Variants in GPR149 observed in about 807,000 individuals in gnomAD.
The protein encoded by GPR149 is G protein-coupled receptor 149, also known as probable G protein-coupled receptor 149.
In GPR149, 50 loss-of-function variants were observed where a neutral mutation model predicts 50.2. The ratio of observed to expected loss-of-function variants is 1.00; its 90% CI spans 0.79 to 1.26. The LOEUF (loss-of-function observed/expected upper bound fraction) is 1.26, where lower values mean the gene tolerates loss of function less well. GPR149 is among the 50% of genes most tolerant of loss of function. The pLI is 0.00. For missense variants in GPR149, 983 were observed against 895.4 expected, an observed-to-expected ratio of 1.10 and a Z score of -1.25; for synonymous variants, 405 against 358.2, an observed-to-expected ratio of 1.13 and a Z score of -1.48.
intron 3 of GPR149, among the ~76,000 whole-genome samples, chr3:154,357,266 G>T: frequency 6.6e-6 from 1 of 151,998 alleles, no homozygotes; most frequent in Non-Finnish European, 1.5e-5. Flanking sequence ...CAGGACATAG[G>T]CATGGGCAAG....
At chr3:154,388,258 C>T (rs1715090514) in intron 3 of GPR149, among the ~76,000 whole-genome samples, 1 of 151,898 alleles carries the variant, frequency 6.6e-6, no homozygotes, top group Non-Finnish European at 1.5e-5. Context: ...GTGAAAAATA[C>T]ACTGTAAATT....
chr3:154,395,765 TGTACTCCAGCCTGG>T (rs1715275782), intron 3 of GPR149, among the ~76,000 whole-genome samples: 1 of 152,180 alleles, frequency 6.6e-6, no homozygotes, highest in Admixed American at 6.5e-5. Context: ...ACTGTACTCC[TGTACTCCAGCCTGG>T]GTGACAGAGG....
chr3:154,346,671 C>G (rs1386063369), intron 3 of GPR149, among the ~76,000 whole-genome samples: 1 of 151,660 alleles, frequency 6.6e-6, no homozygotes, highest in Non-Finnish European at 1.5e-5. Flanking sequence ...ACAATCTTGG[C>G]TCACTGCAAT....
chr3:154,337,207 A>T lies in GPR149; in HGVS notation c.*492T>A, dbSNP rs960416964. On this transcript the variant is annotated 3_prime_UTR_variant, in exon 4 of 4. Transcript: ENST00000389740. ...TTACAGAAGAATGTAAAGCTAAAGCAGTAAGTGTAATAAGCTTGTTTTGCT... is the reference window on the plus strand; with the variant it reads ...TTACAGAAGAATGTAAAGCTAAAGCTGTAAGTGTAATAAGCTTGTTTTGCT... Among the ~76,000 whole-genome samples the T allele has an allele frequency of 2.0e-4, 30 of 152,366 alleles. No homozygotes were observed. The highest frequency in any genetic ancestry group is 6.3e-4 in the African/African-American group (26 of 41,596).
Position 154,421,078 on chromosome 3 carries a change from C to T in GPR149, c.1584G>A (p.Trp528Ter). The change falls in exon 3 of 4, where the codon TGG (tryptophan) becomes TGA (stop). Residue 528 changes from tryptophan to a stop codon, truncating the protein, a stop_gained. Transcript: ENST00000389740. LOFTEE classifies it high-confidence loss of function. The part of the protein sequence containing the change: ...EESQKPDLSD[W>*]EWCRSKSERT... Reference sequence around the variant, plus strand: ...TTTCTGATTTACTCCTACACCACTCCCAGTCTGAAAGATCTGGTTTCTGAC... The same window carrying T: ...TTTCTGATTTACTCCTACACCACTCTCAGTCTGAAAGATCTGGTTTCTGAC... 1 of 1,612,732 alleles carries T rather than the reference C, an allele frequency of 6.2e-7. No homozygotes were observed. Among genetic ancestry groups the T allele is most frequent in the Non-Finnish European group, 8.5e-7 (1 of 1,179,366 alleles).
chr3:154,418,055 C>T (rs1267876303), intron 3 of GPR149, among the ~76,000 whole-genome samples: 2 of 149,996 alleles, frequency 1.3e-5, no homozygotes, highest in Non-Finnish European at 3.0e-5. Context: ...CCAAAAGACA[C>T]ATGAAAAAAT....
chr3:154,412,936 T>C (rs1711881685), intron 3 of GPR149, among the ~76,000 whole-genome samples: 1 of 152,056 alleles, frequency 6.6e-6, no homozygotes, highest in Admixed American at 6.6e-5. Context: ...AATAGCATGG[T>C]ACTGGTATAA....
intron 3 of GPR149, among the ~76,000 whole-genome samples, chr3:154,396,940 A>G (rs765864712): frequency 3.3e-5 from 5 of 151,762 alleles, no homozygotes; most frequent in Non-Finnish European, 5.9e-5. Context: ...GTTGTTTTTA[A>G]GAGCACTAAA....
chr3:154,342,997 A>C (rs1347729155), intron 3 of GPR149, among the ~76,000 whole-genome samples: 1 of 152,246 alleles, frequency 6.6e-6, no homozygotes, highest in East Asian at 1.9e-4. Flanking sequence ...ACATTTAGAA[A>C]ATAGTTTAAT....
Position 154,357,129 on chromosome 3 carries a change from A to G in GPR149, c.1624-18858T>C, listed in dbSNP as rs998539715. ...AGTGCTGGGAAAACTGGCTAGCCCTATGTAGAAAGCTGAAACTGGATCCCT... is the reference window on the plus strand; with the variant it reads ...AGTGCTGGGAAAACTGGCTAGCCCTGTGTAGAAAGCTGAAACTGGATCCCT... On this transcript the variant is annotated intron_variant, in intron 3 of 3. Transcript: ENST00000389740. Among the ~76,000 whole-genome samples, 85 of 152,332 alleles carry G rather than the reference A, an allele frequency of 5.6e-4. No homozygotes were observed. The South Asian group carries it at 5.8e-3, about 10-fold the overall frequency.
At chr3:154,411,587 T>C (rs1297338071) in intron 3 of GPR149, among the ~76,000 whole-genome samples, 1 of 152,088 alleles carries the variant, frequency 6.6e-6, no homozygotes, top group Non-Finnish European at 1.5e-5. Context: ...GCACATAAAC[T>C]AGATAACCTA....
intron 3 of GPR149, among the ~76,000 whole-genome samples, chr3:154,363,250 T>C (rs188844484): frequency 1.3e-5 from 2 of 152,258 alleles, no homozygotes; most frequent in African/African-American, 4.8e-5. Flanking sequence ...TGCAAATTTA[T>C]TCCGGGCTGT....
intron 3 of GPR149, among the ~76,000 whole-genome samples, chr3:154,395,023 A>G (rs1417981605): frequency 6.6e-6 from 1 of 152,184 alleles, no homozygotes; most frequent in Non-Finnish European, 1.5e-5. Context: ...TACAAGGCAG[A>G]AATATATTGT....
At chr3:154,361,963 A>T (rs1433181316) in intron 3 of GPR149, among the ~76,000 whole-genome samples, 1 of 152,160 alleles carries the variant, frequency 6.6e-6, no homozygotes, top group African/African-American at 2.4e-5. Flanking sequence ...GTAGTTTAGA[A>T]TTGGAAGCCA....
At chr3:154,410,627 C>T (rs564526087) in intron 3 of GPR149, among the ~76,000 whole-genome samples, 1 of 152,136 alleles carries the variant, frequency 6.6e-6, no homozygotes, top group Non-Finnish European at 1.5e-5. Context: ...AGAACTAGTC[C>T]AACAGGAAAA....
chr3:154,417,288 T>C (rs1399767262), intron 3 of GPR149, among the ~76,000 whole-genome samples: 2 of 152,036 alleles, frequency 1.3e-5, no homozygotes, highest in Non-Finnish European at 1.5e-5. Flanking sequence ...CATGTTTAAA[T>C]TGAATTTCAG....
rs568431439 is a variant in GPR149, at chr3:154,420,150, G to A, written c.1623+889C>T. ...CAATGAGTACATTACTCCTAGCAGT[G>A]TATTTATTTCTAAAATAATGCTTTT... On this transcript the variant is annotated intron_variant, in intron 3 of 3. Coordinates refer to ENST00000389740, the MANE Select transcript of GPR149 (RefSeq NM_001038705.3). 1.0e-3 allele frequency among the ~76,000 whole-genome samples: 154 copies of A among 152,046 alleles called. 1 individual carries two copies. The South Asian group carries it at 0.026, about 26-fold the overall frequency.
At chr3:154,428,484 A>G in intron 1 of GPR149, 151 bp downstream of exon 1, 1 of 842,152 alleles carries the variant, frequency 1.2e-6, no homozygotes, top group South Asian at 1.7e-5. Context: ...GCCTTCTTCT[A>G]AGTGCATGTC....
chr3:154,428,403 T>C (rs1267724528), intron 1 of GPR149, among the ~76,000 whole-genome samples: 2 of 152,174 alleles, frequency 1.3e-5, no homozygotes, highest in African/African-American at 4.8e-5. Flanking sequence ...GCGATCCCCA[T>C]GCCCCTGACT....
Sources: allele counts gnomAD v4.1 joint callset (sites outside exome capture counted in the v4.1 genomes callset), GRCh38; gene constraint gnomAD v4.1.1; transcripts MANE v1.5; gene names NCBI Gene and HGNC (gene_info 2026-07-23, HGNC 2026-07-21).